The following TRAM2 variants were observed in gnomAD, a reference collection of about 807,000 sequenced individuals.
TRAM2 encodes the protein translocating chain-associated membrane protein 2.
A neutral mutation model predicts 51.0 loss-of-function variants in TRAM2; 12 were observed. The ratio of observed to expected loss-of-function variants is 0.24; its 90% CI spans 0.15 to 0.38. The LOEUF is 0.38. TRAM2 is among the 10% of genes least tolerant of loss of function. TRAM2 has a pLI of 1.00. For missense variants in TRAM2, 361 were observed against 462.0 expected (o/e 0.78, Z 2.00); for synonymous variants, 175 against 179.4 (o/e 0.98, Z 0.20).
At position 52,502,567 on chromosome 6, in the gene TRAM2, A is replaced by T. The variant is rs1766253908; in HGVS notation, c.*630T>A. On this transcript the variant is annotated 3_prime_UTR_variant, in exon 11 of 11. Transcript: ENST00000182527. Reference sequence around the variant, plus strand: ...ATTGAGTTGTCACGTCCCAAAGCCAAATGCCTTGGCATTTACAACGAGCAG... The same window carrying T: ...ATTGAGTTGTCACGTCCCAAAGCCATATGCCTTGGCATTTACAACGAGCAG... 6.6e-6 allele frequency: 1 copy of T among 152,336 alleles called. No individual in the cohort carries two copies. Among genetic ancestry groups the T allele is most frequent in the African/African-American group, 2.4e-5 (1 of 41,458 alleles). 9.4% of individuals were successfully genotyped at this position (152,336 alleles called of 1,614,324 possible).
intron 8 of TRAM2, 43 bp downstream of exon 8, chr6:52,505,989 G>T: frequency 6.2e-7 from 1 of 1,602,050 alleles, no homozygotes; most frequent in African/African-American, 1.3e-5. Context: ...GGGAACCCCT[G>T]CCCAGGCCTC....
rs1243119653 is a variant in TRAM2 at position 52,507,631 on chromosome 6, CAA to C, written c.556-10_556-9del. The C allele has an allele frequency of 1.9e-6, 3 of 1,613,756 alleles. No homozygotes were observed. The highest frequency in any genetic ancestry group is 2.7e-5 in the African/African-American group (2 of 74,878). On this transcript the variant is annotated splice_polypyrimidine_tract_variant and intron_variant, in intron 6 of 10. Coordinates refer to ENST00000182527, the MANE Select transcript of TRAM2 (RefSeq NM_012288.4). The stretch of plus-strand genomic sequence containing the variant: ...CTGGCGGGGAATTTCCTCCTGGAAA[CAA>C]GAGAAGCAGATGGTAAATTTGCTAA...
At chr6:52,543,785 A>T (rs1767147588) in intron 1 of TRAM2, among the ~76,000 whole-genome samples, 1 of 152,224 alleles carries the variant, frequency 6.6e-6, no homozygotes, top group Non-Finnish European at 1.5e-5. Context: ...ATCTTCAGCA[A>T]GCAACAAGAG....
Position 52,505,638 on chromosome 6 carries a change from A to T in TRAM2, c.836T>A (p.Phe279Tyr). 1 of 1,613,460 alleles carries T rather than the reference A, an allele frequency of 6.2e-7. No homozygotes were observed. ...GTTGAAGTTCCCTTTCTCGGGATCAAATGCCTGGTTTTCCATGCGAGCCAG... is the reference window on the plus strand; with the variant it reads ...GTTGAAGTTCCCTTTCTCGGGATCATATGCCTGGTTTTCCATGCGAGCCAG... Reference protein sequence around the residue: ...FGLARMENQAFDPEKGNFNTL... With the variant: ...FGLARMENQAYDPEKGNFNTL... Residue 279 changes from phenylalanine (F) to tyrosine (Y), a missense_variant, in exon 9 of 11, where the codon TTT becomes TAT. Phe to Tyr is a conservative substitution (Grantham distance 22, BLOSUM62 3). Coordinates refer to ENST00000182527, the MANE Select transcript of TRAM2 (RefSeq NM_012288.4).
At chr6:52,532,580 T>C (rs1240280372) in intron 2 of TRAM2, among the ~76,000 whole-genome samples, 1 of 152,202 alleles carries the variant, frequency 6.6e-6, no homozygotes, top group Non-Finnish European at 1.5e-5. Context: ...ATTCCAGTAA[T>C]AGGAAGTTAT....
At chr6:52,518,586 AAG>A (rs1435882579) in intron 2 of TRAM2, among the ~76,000 whole-genome samples, 1 of 152,006 alleles carries the variant, frequency 6.6e-6, no homozygotes, top group African/African-American at 2.4e-5. Flanking sequence ...AAGGCAGGAG[AAG>A]AGAGAGGAAG....
At chr6:52,505,512 G>A in intron 9 of TRAM2, 87 bp downstream of exon 9, 1 of 1,490,452 alleles carries the variant, frequency 6.7e-7, no homozygotes, top group Non-Finnish European at 9.0e-7. Context: ...GAGACTAAAG[G>A]GTCTGCTGCC....
At chr6:52,562,408 T>G (rs1429930435) in intron 1 of TRAM2, among the ~76,000 whole-genome samples, 1 of 152,158 alleles carries the variant, frequency 6.6e-6, no homozygotes, top group Non-Finnish European at 1.5e-5. Context: ...GTAACTTGTA[T>G]GAGGTGCCAG....
chr6:52,507,787 T>C (rs1283043422), intron 6 of TRAM2, among the ~76,000 whole-genome samples, 164 bp from the exon 7 acceptor site: 1 of 152,168 alleles, frequency 6.6e-6, no homozygotes, highest in African/African-American at 2.4e-5. Flanking sequence ...ACCAGGCTGC[T>C]GAAATTCAAG....
chr6:52,530,253 A>G (rs1406379894), intron 2 of TRAM2, among the ~76,000 whole-genome samples: 3 of 152,232 alleles, frequency 2.0e-5, no homozygotes, highest in Admixed American at 2.0e-4. Context: ...TTGTCCTTAA[A>G]GAAAACCTCA....
chr6:52,557,055 T>C (rs536244325), intron 1 of TRAM2, among the ~76,000 whole-genome samples: 3 of 152,212 alleles, frequency 2.0e-5, no homozygotes, highest in Admixed American at 1.3e-4. Context: ...TTAGCCAGTG[T>C]GGTGGCGGGC....
chr6:52,550,834 G>T (rs920497404), intron 1 of TRAM2, among the ~76,000 whole-genome samples: 2 of 152,140 alleles, frequency 1.3e-5, no homozygotes, highest in African/African-American at 4.8e-5. Flanking sequence ...CTCCCAAAGT[G>T]CTGGGATTAC....
In TRAM2 at chr6:52,506,040, G is replaced by A. The variant is rs373469800; in HGVS notation, c.723C>T (p.Asn241=). Residue 241 remains asparagine, a synonymous_variant, in exon 8 of 11, where the codon AAC becomes AAT. Transcript: ENST00000182527. The part of the protein sequence containing the change: ...ARLFYFADEN[N]EKLFSAWAAV... The stretch of plus-strand genomic sequence containing the variant: ...GCAGCAGACCCACTTACAGTTTCTC[G>A]TTGTTTTCATCTGCAAAGTAGAAGA... 11 of 1,613,048 alleles carry A rather than the reference G, an allele frequency of 6.8e-6. No individual in the cohort carries two copies. Among genetic ancestry groups the A allele is most frequent in the East Asian group, 2.2e-5 (1 of 44,898 alleles).
rs748744364 is a variant in TRAM2 at position 52,503,234 on chromosome 6, C to T, written c.1076G>A (p.Gly359Glu). 7 of 1,613,924 alleles carry T rather than the reference C, an allele frequency of 4.3e-6. No homozygotes were observed. Among genetic ancestry groups the T allele is most frequent in the Non-Finnish European group, 5.9e-6 (7 of 1,179,974 alleles). ...GAGTTTCTTAGTCCGTGGGGAGGTT[C>T]CGTTCTCTGCCTTCACCACTCCATT... ...HENGVVKAEN[G>E]TSPRTKKLKS... The change falls in exon 11 of 11, where the codon GGA becomes GAA. Residue 359 changes from glycine (G) to glutamate (E), a missense_variant. Transcript: ENST00000182527.
At chr6:52,565,042 C>A (rs896174670) in intron 1 of TRAM2, among the ~76,000 whole-genome samples, 1 of 152,114 alleles carries the variant, frequency 6.6e-6, no homozygotes, top group Non-Finnish European at 1.5e-5. Flanking sequence ...AGGGTCAGGG[C>A]AGGGACGAGG....
intron 2 of TRAM2, among the ~76,000 whole-genome samples, chr6:52,525,817 T>C (rs191939834): frequency 3.9e-4 from 59 of 152,196 alleles, no homozygotes; most frequent in Admixed American, 7.2e-4. Flanking sequence ...CTAATTCAGA[T>C]TGAGTCTTTA....
intron 1 of TRAM2, among the ~76,000 whole-genome samples, chr6:52,566,383 C>T (rs897853593): frequency 6.6e-6 from 1 of 152,114 alleles, no homozygotes; most frequent in Non-Finnish European, 1.5e-5. Context: ...GCTTTGGGGG[C>T]TTGCTTCCTG....
At chr6:52,573,144 G>A (rs747314793) in intron 1 of TRAM2, among the ~76,000 whole-genome samples, 31 of 151,938 alleles carry the variant, frequency 2.0e-4, no homozygotes, top group Non-Finnish European at 2.9e-4. Context: ...CTCTCTCTTC[G>A]GTGCACCCCC....
chr6:52,504,033 G>T (rs563041692), intron 10 of TRAM2, among the ~76,000 whole-genome samples: 19 of 152,210 alleles, frequency 1.2e-4, no homozygotes, highest in African/African-American at 4.1e-4. Context: ...GAACGTGCAG[G>T]GCTGGCAGGG....
Sources: allele counts gnomAD v4.1 joint callset (sites outside exome capture counted in the v4.1 genomes callset), GRCh38; gene constraint gnomAD v4.1.1; transcripts MANE v1.5; gene names NCBI Gene and HGNC (gene_info 2026-07-23, HGNC 2026-07-21).